The following NPAS3 variants were observed in gnomAD, a reference collection of about 807,000 sequenced individuals.
The protein encoded by NPAS3 is neuronal PAS domain-containing protein 3.
Under a neutral mutation model 73.1 loss-of-function variants are expected in NPAS3, and 14 were observed. That is an observed-to-expected ratio of 0.19 (90% CI 0.13 to 0.30). NPAS3 has a LOEUF of 0.30. NPAS3 is among the 10% of genes least tolerant of loss of function. The pLI is 1.00. For synonymous variants in NPAS3, 620 were observed against 541.5 expected (o/e 1.14, Z -2.01); for missense variants, 1,096 against 1,250.0 (o/e 0.88, Z 1.86).
intron 1 of NPAS3, among the ~76,000 whole-genome samples, chr14:32,955,049 A>G (rs900258871): frequency 1.3e-5 from 2 of 152,144 alleles, no homozygotes; most frequent in East Asian, 3.8e-4. Flanking sequence ...TACCTTTTGC[A>G]TGGAGTCACA....
intron 7 of NPAS3, among the ~76,000 whole-genome samples, chr14:33,748,383 G>T (rs990623453): frequency 3.3e-5 from 5 of 152,144 alleles, no homozygotes; most frequent in African/African-American, 1.2e-4. Flanking sequence ...ATCATATTCA[G>T]TTTTTTAAAA....
intron 3 of NPAS3, among the ~76,000 whole-genome samples, chr14:33,337,895 G>A (rs138957856): frequency 2.6e-5 from 4 of 151,776 alleles, no homozygotes; most frequent in African/African-American, 7.2e-5. Context: ...TTGAAATACA[G>A]TTGATTCTTG....
At chr14:33,659,613 T>TTAA (rs764174925) in intron 5 of NPAS3, among the ~76,000 whole-genome samples, 4 of 152,156 alleles carry the variant, frequency 2.6e-5, no homozygotes, top group Non-Finnish European at 5.9e-5. Context: ...AACAAGAGAC[T>TTAA]TAATAATAAT....
intron 3 of NPAS3, among the ~76,000 whole-genome samples, chr14:33,259,575 AG>A (rs2139945855): frequency 6.6e-6 from 1 of 152,380 alleles, no homozygotes; most frequent in Non-Finnish European, 1.5e-5. Context: ...ATTCATATTA[AG>A]GAAAATGGGT....
chr14:33,091,462 A>C (rs2042221818), intron 2 of NPAS3, among the ~76,000 whole-genome samples: 1 of 152,148 alleles, frequency 6.6e-6, no homozygotes, highest in Non-Finnish European at 1.5e-5. Context: ...TCCCTGAAGA[A>C]ACCAATAACA....
intron 3 of NPAS3, among the ~76,000 whole-genome samples, chr14:33,312,787 G>A (rs1179009766): frequency 6.6e-6 from 1 of 151,962 alleles, no homozygotes; most frequent in East Asian, 1.9e-4. Flanking sequence ...AAATCAAATA[G>A]AAAACAAAAG....
chr14:33,679,312 T>C (rs1044084661), intron 6 of NPAS3, among the ~76,000 whole-genome samples: 4 of 152,258 alleles, frequency 2.6e-5, no homozygotes, highest in African/African-American at 9.6e-5. Context: ...ACTGCTCAAA[T>C]ACTGAAAAGC....
At chr14:33,347,590 G>A (rs1473156906) in intron 3 of NPAS3, among the ~76,000 whole-genome samples, 2 of 152,180 alleles carry the variant, frequency 1.3e-5, no homozygotes, top group Non-Finnish European at 2.9e-5. Context: ...ACAGGTAGTC[G>A]GAGCCCAGAG....
intron 4 of NPAS3, among the ~76,000 whole-genome samples, chr14:33,403,889 A>G (rs2047551103): frequency 6.6e-6 from 1 of 152,088 alleles, no homozygotes; most frequent in East Asian, 1.9e-4. Context: ...CTCATCATCA[A>G]TAAGAACTAT....
At chr14:33,479,090 A>G (rs1346147823) in intron 4 of NPAS3, among the ~76,000 whole-genome samples, 1 of 152,230 alleles carries the variant, frequency 6.6e-6, no homozygotes, top group Non-Finnish European at 1.5e-5. Context: ...TAAAAGGCTA[A>G]GGAAAATAAA....
chr14:33,696,941 C>T (rs147108098), intron 6 of NPAS3, among the ~76,000 whole-genome samples: 1 of 152,300 alleles, frequency 6.6e-6, no homozygotes, highest in African/African-American at 2.4e-5. Flanking sequence ...CAAGTTACTG[C>T]CCCAAGGGCT....
At chr14:33,430,988 A>G (rs2048760908) in intron 4 of NPAS3, among the ~76,000 whole-genome samples, 1 of 152,182 alleles carries the variant, frequency 6.6e-6, no homozygotes, top group Admixed American at 6.5e-5. Context: ...TCACATACAT[A>G]TCCGAAGATG....
chr14:33,787,593 G>C (rs970264200), intron 9 of NPAS3, among the ~76,000 whole-genome samples: 4 of 43,170 alleles, frequency 9.3e-5, no homozygotes, highest in Non-Finnish European at 1.6e-4. Flanking sequence ...TCAGCATATA[G>C]ATTTACAAAA....
At chr14:33,039,675 C>T (rs1032747059) in intron 1 of NPAS3, among the ~76,000 whole-genome samples, 4 of 152,224 alleles carry the variant, frequency 2.6e-5, no homozygotes, top group African/African-American at 9.6e-5. Context: ...CTGTCTAAAA[C>T]TGGTGCTGAT....
At chr14:33,094,741 C>T (rs1228093923) in intron 2 of NPAS3, among the ~76,000 whole-genome samples, 2 of 152,164 alleles carry the variant, frequency 1.3e-5, no homozygotes, top group Non-Finnish European at 2.9e-5. Flanking sequence ...GCTGGGATTA[C>T]AGATGTGAGC....
intron 4 of NPAS3, among the ~76,000 whole-genome samples, chr14:33,518,800 G>A (rs938336828): frequency 2.6e-4 from 40 of 151,820 alleles, no homozygotes; most frequent in Non-Finnish European, 4.6e-4. Flanking sequence ...CTCCTTCTTA[G>A]AACAATCAGT....
chr14:33,350,086 C>T (rs759292460), intron 3 of NPAS3, among the ~76,000 whole-genome samples: 6 of 152,140 alleles, frequency 3.9e-5, no homozygotes, highest in African/African-American at 7.2e-5. Flanking sequence ...ATTTCTCGTA[C>T]GCTTGGCTAG....
chr14:33,150,753 A>G (rs2044415882), intron 2 of NPAS3, among the ~76,000 whole-genome samples: 1 of 152,164 alleles, frequency 6.6e-6, no homozygotes, highest in Non-Finnish European at 1.5e-5. Context: ...CTAAGCCAGA[A>G]CTTACTACTC....
chr14:33,190,544 C>T (rs1181625360), intron 2 of NPAS3, among the ~76,000 whole-genome samples: 1 of 152,212 alleles, frequency 6.6e-6, no homozygotes, highest in Non-Finnish European at 1.5e-5. Flanking sequence ...GAATCTTTAG[C>T]TCACATTGGG....
Sources: gnomAD v4.1 joint callset for allele counts (sites outside exome capture counted in the v4.1 genomes callset) on GRCh38, gnomAD v4.1.1 for gene constraint, MANE v1.5 for transcripts, NCBI Gene and HGNC (gene_info 2026-07-23, HGNC 2026-07-21) for gene names.